EPHA7: variants seen among roughly 807,000 people sequenced by gnomAD.
The protein encoded by EPHA7 is ephrin type-A receptor 7.
EPHA7 carries 25 observed loss-of-function variants against 112.6 expected under a neutral mutation model. The ratio of observed to expected loss-of-function variants is 0.22; its 90% confidence interval spans 0.16 to 0.31. The LOEUF is 0.31. Among genes scored for constraint, EPHA7 ranks in the 10% least tolerant of loss-of-function variants. EPHA7 has a pLI of 1.00. For missense variants in EPHA7, 962 were observed against 1,212.6 expected (o/e 0.79, Z 3.07); for synonymous variants, 437 against 406.5 (o/e 1.07, Z -0.90).
intron 3 of EPHA7, among the ~76,000 whole-genome samples, chr6:93,360,633 T>C (rs1776216219): frequency 6.6e-6 from 1 of 152,130 alleles, no homozygotes; most frequent in African/African-American, 2.4e-5. Context: ...TTCCCCTTTT[T>C]CCACAAATGA....
chr6:93,389,696 A>G (rs1777807305), intron 3 of EPHA7, among the ~76,000 whole-genome samples: 1 of 152,048 alleles, frequency 6.6e-6, no homozygotes, highest in Non-Finnish European at 1.5e-5. Flanking sequence ...AACTGCCACA[A>G]AAGTAAATGA....
intron 3 of EPHA7, among the ~76,000 whole-genome samples, chr6:93,358,786 T>C (rs904212557): frequency 1.3e-5 from 2 of 152,212 alleles, no homozygotes; most frequent in Non-Finnish European, 2.9e-5. Flanking sequence ...TTAGAACACT[T>C]CAAGTTATGT....
intron 5 of EPHA7, among the ~76,000 whole-genome samples, chr6:93,347,251 T>A (rs1775447659): frequency 6.6e-6 from 1 of 151,860 alleles, no homozygotes; most frequent in Non-Finnish European, 1.5e-5. Context: ...GAACAAAATT[T>A]ATTATAACTT....
At chr6:93,388,928 G>A (rs922868832) in intron 3 of EPHA7, among the ~76,000 whole-genome samples, 6 of 151,904 alleles carry the variant, frequency 3.9e-5, no homozygotes, top group East Asian at 3.9e-4. Context: ...AAAAAATGAC[G>A]CTGGAGAGTG....
chr6:93,299,192 G>A (rs1470920830), intron 5 of EPHA7, among the ~76,000 whole-genome samples: 5 of 151,992 alleles, frequency 3.3e-5, no homozygotes, highest in Non-Finnish European at 7.4e-5. Context: ...CGGGCGTGGT[G>A]GCGGGCGCCT....
intron 5 of EPHA7, among the ~76,000 whole-genome samples, chr6:93,343,409 G>T (rs1775236536): frequency 6.6e-6 from 1 of 151,810 alleles, no homozygotes; most frequent in East Asian, 1.9e-4. Flanking sequence ...ACATGATGTA[G>T]ATTTTAGATA....
At chr6:93,417,333 G>T (rs910494423) in intron 1 of EPHA7, among the ~76,000 whole-genome samples, 3 of 152,118 alleles carry the variant, frequency 2.0e-5, no homozygotes, top group African/African-American at 7.2e-5. Context: ...CTCCTAGAAC[G>T]CCAGCTCTTG....
intron 5 of EPHA7, among the ~76,000 whole-genome samples, chr6:93,338,453 T>A (rs531036336): frequency 6.6e-6 from 1 of 152,174 alleles, no homozygotes; most frequent in African/African-American, 2.4e-5. Context: ...GTGATTCCTA[T>A]GTCACCTCTG....
rs764221629 is a variant in EPHA7, at chr6:93,419,261, C to A, written c.81G>T (p.Ala27=). ...TCACCTTACCTTCCTTCGCAGCCTGCGCCTCCCCTGTGTGTGCAAAGCGGA... is the reference window on the plus strand; with the variant it reads ...TCACCTTACCTTCCTTCGCAGCCTGAGCCTCCCCTGTGTGTGCAAAGCGGA... The part of the protein sequence containing the change: ...WLLRFAHTGE[A]QAAKEVLLLD... The change falls in exon 1 of 17, where the codon GCG becomes GCT. Residue 27 remains alanine (A), a synonymous_variant. Transcript: ENST00000369303. The A allele has an allele frequency of 1.9e-6, 3 of 1,613,558 alleles. No individual in the cohort carries two copies. The highest frequency in any genetic ancestry group is 1.3e-5 in the African/African-American group (1 of 75,036).
intron 5 of EPHA7, among the ~76,000 whole-genome samples, chr6:93,277,155 T>C (rs1241178734): frequency 6.6e-6 from 1 of 152,092 alleles, no homozygotes; most frequent in Non-Finnish European, 1.5e-5. Flanking sequence ...AATTCATTTT[T>C]AGCAATCCTT....
At chr6:93,379,936 T>C (rs1406470149) in intron 3 of EPHA7, among the ~76,000 whole-genome samples, 3 of 152,198 alleles carry the variant, frequency 2.0e-5, no homozygotes, top group African/African-American at 7.2e-5. Context: ...ATCAATATAT[T>C]TCCCAGTATC....
chr6:93,391,673 A>G (rs540233484), intron 3 of EPHA7, among the ~76,000 whole-genome samples: 2 of 151,918 alleles, frequency 1.3e-5, no homozygotes, highest in Non-Finnish European at 2.9e-5. Context: ...AACTCTCTCT[A>G]TTATATTTAT....
At chr6:93,248,115 G>GA (rs66534883) in intron 14 of EPHA7, among the ~76,000 whole-genome samples, 13 of 150,312 alleles carry the variant, frequency 8.6e-5, no homozygotes, top group African/African-American at 2.5e-4. Context: ...ACCCTCTGAG[G>GA]AAAAAAAAAA....
intron 5 of EPHA7, among the ~76,000 whole-genome samples, chr6:93,287,264 A>G (rs1042800490): frequency 2.0e-5 from 3 of 152,172 alleles, no homozygotes; most frequent in African/African-American, 7.2e-5. Context: ...TCTTCACTGT[A>G]TAGCCAAATA....
chr6:93,371,246 AAT>A (rs1562132457), intron 3 of EPHA7, among the ~76,000 whole-genome samples: 2 of 132,612 alleles, frequency 1.5e-5, no homozygotes, highest in African/African-American at 5.1e-5. Context: ...AACCATGGAT[AAT>A]AAATATTTGG....
intron 7 of EPHA7, among the ~76,000 whole-genome samples, chr6:93,266,588 G>A (rs961157626): frequency 2.0e-5 from 3 of 151,698 alleles, no homozygotes; most frequent in Non-Finnish European, 4.4e-5. Flanking sequence ...CGAAACAGTA[G>A]ATAGGATACT....
chr6:93,409,481 A>G (rs1200144399), intron 3 of EPHA7, among the ~76,000 whole-genome samples: 6 of 152,082 alleles, frequency 3.9e-5, no homozygotes, highest in Non-Finnish European at 8.8e-5. Flanking sequence ...TGCACATACT[A>G]AGTTATCAAG....
intron 14 of EPHA7, among the ~76,000 whole-genome samples, chr6:93,249,370 T>C (rs2631557): frequency 0.65 from 98,302 of 151,928 alleles, 32,866 homozygotes; most frequent in South Asian, 0.83. Flanking sequence ...TTCAAAAATG[T>C]TATGTTAAAA....
At chr6:93,406,031 G>A (rs1246403813) in intron 3 of EPHA7, among the ~76,000 whole-genome samples, 2 of 149,956 alleles carry the variant, frequency 1.3e-5, no homozygotes, top group African/African-American at 4.9e-5. Flanking sequence ...TTATACATAT[G>A]TTCATAAATT....
Sources: allele counts gnomAD v4.1 joint callset (sites outside exome capture counted in the v4.1 genomes callset), GRCh38; gene constraint gnomAD v4.1.1; transcripts MANE v1.5; gene names NCBI Gene and HGNC (gene_info 2026-07-23, HGNC 2026-07-21).